CASP10: variants seen among roughly 807,000 people sequenced by gnomAD.
CASP10 encodes the protein caspase-10.
A neutral mutation model predicts 48.5 loss-of-function variants in CASP10; 41 were observed. The observed-to-expected ratio is 0.85, with a 90% CI of 0.66 to 1.10. CASP10 has a LOEUF of 1.10. Ranked by LOEUF, CASP10 falls within the 50% of genes least tolerant of loss-of-function variation. The pLI is 0.00. For synonymous variants in CASP10, 232 were observed against 238.4 expected (o/e 0.97, Z 0.25); for missense variants, 614 against 614.5 (o/e 1.00, Z 0.01).
chr2:201,203,626 T>C, intron 5 of CASP10, 104 bp from the exon 6 acceptor site: 2 of 1,040,082 alleles, frequency 1.9e-6, no homozygotes, highest in Non-Finnish European at 3.0e-6. Flanking sequence ...TTTCTGTGGC[T>C]GTGGATTAGA....
intron 9 of CASP10, among the ~76,000 whole-genome samples, chr2:201,211,242 G>C (rs1452166989): frequency 6.6e-6 from 1 of 152,180 alleles, no homozygotes; most frequent in East Asian, 1.9e-4. Context: ...CTTGTAAGTA[G>C]CTAGGATTAT....
chr2:201,200,455 G>GTT lies in CASP10; in HGVS notation c.685-3269_685-3268dup, dbSNP rs756462271. The GTT allele has an allele frequency of 2.7e-5, 43 of 1,598,068 alleles. 1 individual carries two copies. Among genetic ancestry groups the GTT allele is most frequent in the Non-Finnish European group, 3.1e-5 (37 of 1,179,722 alleles). ...CCTTTCTCCCCAGGAAGGTGTTTTT[G>GTT]TTTTTTTAAATGAAGGAGACCGTGG... On this transcript the variant is annotated intron_variant, in intron 5 of 9. Transcript: ENST00000286186.
chr2:201,205,743 G>T, intron 6 of CASP10, 139 bp from the exon 7 acceptor site: 1 of 696,968 alleles, frequency 1.4e-6, no homozygotes. Context: ...TCTCCCATCA[G>T]GAAGGGCATG....
In CASP10 at chr2:201,221,304, T is replaced by A; in HGVS notation, c.*3563T>A. 2 of 986,278 alleles carry A rather than the reference T, an allele frequency of 2.0e-6. No homozygotes were observed. The highest frequency in any genetic ancestry group is 2.4e-6 in the Non-Finnish European group (2 of 830,432). 61.1% of individuals were successfully genotyped at this position (986,278 alleles called of 1,614,324 possible). ...ACAAAATGCTGTTGATAAAACCTCC[T>A]GTCAGGCCTCTGAGCCCAAGCTAAG... On this transcript the variant is annotated 3_prime_UTR_variant, in exon 10 of 10. Coordinates refer to ENST00000286186, the MANE Select transcript of CASP10 (RefSeq NM_032977.4).
chr2:201,185,967 C>T lies in CASP10; in HGVS notation c.190C>T (p.His64Tyr). 6.2e-7 allele frequency: 1 copy of T among 1,614,050 alleles called. No homozygotes were observed. Among genetic ancestry groups the T allele is most frequent in the South Asian group, 1.1e-5 (1 of 91,074 alleles). The change falls in exon 2 of 10, where the codon CAT (histidine) becomes TAT (tyrosine). Residue 64 changes from histidine to tyrosine, a missense_variant. Coordinates refer to ENST00000286186, the MANE Select transcript of CASP10 (RefSeq NM_032977.4). ...KSSSASDVFE[H>Y]LLAEDLLSEE... The stretch of plus-strand genomic sequence containing the variant: ...CAGCTCAGCCTCAGATGTTTTTGAA[C>T]ATCTCTTGGCAGAGGATCTGCTGAG...
intron 3 of CASP10, among the ~76,000 whole-genome samples, chr2:201,189,744 T>C (rs1469297295): frequency 6.6e-6 from 1 of 152,168 alleles, no homozygotes; most frequent in Non-Finnish European, 1.5e-5. Context: ...ATGCCTGTAA[T>C]CCCAGCACTT....
chr2:201,223,785 T>A (rs894713540), downstream of CASP10, among the ~76,000 whole-genome samples: 1 of 152,164 alleles, frequency 6.6e-6, no homozygotes, highest in Non-Finnish European at 1.5e-5. Flanking sequence ...AGGAACCAAA[T>A]TTTTAAATTT....
At chr2:201,186,454 A>C (rs1576062511) in intron 2 of CASP10, 4 of 363,154 alleles carry the variant, frequency 1.1e-5, no homozygotes, top group South Asian at 1.0e-4. Context: ...CCCTCCTGGG[A>C]TCCACTAGTC....
chr2:201,222,220 C>CAT (rs1553587367), downstream of CASP10, among the ~76,000 whole-genome samples: 3 of 136,658 alleles, frequency 2.2e-5, no homozygotes, highest in Non-Finnish European at 3.1e-5. Context: ...TTTATTCATT[C>CAT]TTTTTTTTTT....
chr2:201,208,383 A>G (rs1470670025), intron 8 of CASP10, 200 bp downstream of exon 8: 2 of 985,204 alleles, frequency 2.0e-6, no homozygotes, highest in Non-Finnish European at 2.4e-6. Flanking sequence ...ACAATTCTGA[A>G]TAGAGGAGAG....
At chr2:201,215,211 GTTTTTTTTTTT>G (rs10616229) in intron 9 of CASP10, among the ~76,000 whole-genome samples, 4 of 29,884 alleles carry the variant, frequency 1.3e-4, no homozygotes, top group African/African-American at 4.5e-4. Flanking sequence ...TCTTCCCTCG[GTTTTTTTTTTT>G]TTTTTTTTTT....
Position 201,219,552 on chromosome 2 carries a change from A to G in CASP10, c.*1811A>G. ...CTTTGCTCCTCTGGCCCAAGGCATG[A>G]GGAGAGAGGCTGTGTCAGAAACTGA... On this transcript the variant is annotated 3_prime_UTR_variant, in exon 10 of 10. Transcript: ENST00000286186. 2 of 985,488 alleles carry G rather than the reference A, an allele frequency of 2.0e-6. No homozygotes were observed. Among genetic ancestry groups the G allele is most frequent in the East Asian group, 2.3e-4 (2 of 8,810 alleles). The allele number at this position is 985,488 out of a possible 1,614,324, so 61.0% of individuals were successfully genotyped here.
At chr2:201,198,173 G>GT (rs1381589316) in intron 5 of CASP10, among the ~76,000 whole-genome samples, 1 of 151,518 alleles carries the variant, frequency 6.6e-6, no homozygotes, top group African/African-American at 2.4e-5. Flanking sequence ...GTCTGTCCAA[G>GT]TCCTTTGTTC....
intron 9 of CASP10, among the ~76,000 whole-genome samples, chr2:201,227,778 G>A (rs1945807402): frequency 6.6e-6 from 1 of 151,650 alleles, no homozygotes. Flanking sequence ...CCAGGATGGT[G>A]TTGATCTCCT....
At chr2:201,190,134 G>A (rs376672633) in intron 3 of CASP10, among the ~76,000 whole-genome samples, 22 of 152,000 alleles carry the variant, frequency 1.4e-4, no homozygotes, top group African/African-American at 5.1e-4. Flanking sequence ...GGTTCATCTT[G>A]TATATTTTCT....
chr2:201,192,790 T>C (rs1477908480), intron 3 of CASP10, among the ~76,000 whole-genome samples, 194 bp from the exon 4 acceptor site: 1 of 152,230 alleles, frequency 6.6e-6, no homozygotes, highest in East Asian at 1.9e-4. Flanking sequence ...ATTTGGTATC[T>C]GGTATTAATA....
In CASP10 at chr2:201,187,641, T is replaced by G. The variant is rs538804532; in HGVS notation, c.348-65T>G. On this transcript the variant is annotated intron_variant, in intron 2 of 9. Transcript: ENST00000286186. ...TGACAGAAAACATTTATGAAAGCAC[T>G]TGATTGATTATGGTGTCCTCCACAA... 91 of 1,131,044 alleles carry G rather than the reference T, an allele frequency of 8.0e-5. 1 individual carries two copies. Among genetic ancestry groups the G allele is most frequent in the Non-Finnish European group, 1.2e-4 (88 of 739,452 alleles). 70.1% of individuals were successfully genotyped at this position (1,131,044 alleles called of 1,614,324 possible).
At chr2:201,195,069 G>A (rs1013642645) in intron 4 of CASP10, among the ~76,000 whole-genome samples, 3 of 151,410 alleles carry the variant, frequency 2.0e-5, no homozygotes, top group Admixed American at 6.6e-5. Flanking sequence ...GAGCCACCGC[G>A]CCCGGCTTGA....
Position 201,217,817 on chromosome 2 carries a change from A to G in CASP10, c.*76A>G. On this transcript the variant is annotated 3_prime_UTR_variant, in exon 10 of 10. Coordinates refer to ENST00000286186, the MANE Select transcript of CASP10 (RefSeq NM_032977.4). ...CTCCAGCCTCCTGCCCAGCACAGGA[A>G]TCGGTGGTCTCCACCTGTCATTCTA... is the stretch of plus-strand genomic sequence containing the variant. 1 of 1,612,592 alleles carries G rather than the reference A, an allele frequency of 6.2e-7. No individual in the cohort carries two copies. The highest frequency in any genetic ancestry group is 1.1e-5 in the South Asian group (1 of 90,806).
Sources: allele counts gnomAD v4.1 joint callset (sites outside exome capture counted in the v4.1 genomes callset), GRCh38; gene constraint gnomAD v4.1.1; transcripts MANE v1.5; gene names NCBI Gene and HGNC (gene_info 2026-07-23, HGNC 2026-07-21).